The following LVRN variants were observed in gnomAD, a reference collection of about 807,000 sequenced individuals.
LVRN encodes the protein laeverin.
A neutral mutation model predicts 111.4 loss-of-function variants in LVRN; 99 were observed. The observed-to-expected ratio is 0.89, with a 90% CI of 0.76 to 1.05. The LOEUF is 1.05. Among genes scored for constraint, LVRN ranks in the 50% least tolerant of loss-of-function variants. The pLI is 0.00. For missense variants in LVRN, 1,414 were observed against 1,206.8 expected, an observed-to-expected ratio of 1.17 and a Z score of -2.54; for synonymous variants, 488 against 449.5, an observed-to-expected ratio of 1.09 and a Z score of -1.08.
At chr5:115,971,449 A>G (rs990928381) in intron 1 of LVRN, among the ~76,000 whole-genome samples, 1 of 152,050 alleles carries the variant, frequency 6.6e-6, no homozygotes, top group Non-Finnish European at 1.5e-5. Context: ...TTCTTTCAGA[A>G]GTTTTATAGT....
chr5:115,963,313 G>GT lies in LVRN; in HGVS notation c.695+2dup, dbSNP rs1753131695. 1.2e-6 allele frequency: 2 copies of GT among 1,601,826 alleles called. No individual in the cohort carries two copies. Among genetic ancestry groups the GT allele is most frequent in the East Asian group, 2.2e-5 (1 of 44,660 alleles). ...TCTACACCGACCAGGGCGAGCGCAGGTAAGGGCTGTACAGCCCGGGGCCCC... is the reference window on the plus strand; with the variant it reads ...TCTACACCGACCAGGGCGAGCGCAGGTTAAGGGCTGTACAGCCCGGGGCCCC... On this transcript the variant is annotated splice_donor_variant, in intron 1 of 19. Coordinates refer to ENST00000357872, the MANE Select transcript of LVRN (RefSeq NM_173800.5). LOFTEE classifies it high-confidence loss of function.
intron 13 of LVRN, among the ~76,000 whole-genome samples, chr5:116,007,490 G>A (rs999101982): frequency 6.6e-6 from 1 of 152,100 alleles, no homozygotes; most frequent in African/African-American, 2.4e-5. Context: ...CCTCCATGAA[G>A]CCTTCCTTGA....
chr5:116,009,461 T>G (rs759751801), intron 13 of LVRN, among the ~76,000 whole-genome samples: 32 of 152,200 alleles, frequency 2.1e-4, no homozygotes, highest in Non-Finnish European at 3.1e-4. Context: ...TGTAAGGCTA[T>G]AGCTTCCATA....
intron 4 of LVRN, 92 bp from the exon 5 acceptor site, chr5:115,992,031 T>C: frequency 8.1e-7 from 1 of 1,228,884 alleles, no homozygotes; most frequent in Non-Finnish European, 1.1e-6. Flanking sequence ...TTGAATTTTT[T>C]GGTAATTTTA....
chr5:115,966,438 C>G (rs949507950), intron 1 of LVRN, among the ~76,000 whole-genome samples: 15 of 152,160 alleles, frequency 9.9e-5, no homozygotes, highest in African/African-American at 3.4e-4. Flanking sequence ...TTTATTTAGT[C>G]ATTCATCGAT....
chr5:115,970,600 TG>T (rs1753304090), intron 1 of LVRN, among the ~76,000 whole-genome samples: 1 of 152,170 alleles, frequency 6.6e-6, no homozygotes, highest in African/African-American at 2.4e-5. Flanking sequence ...TTGGCCGAGA[TG>T]GCCTCGATAT....
intron 1 of LVRN, among the ~76,000 whole-genome samples, chr5:115,968,385 G>T (rs1753247254): frequency 6.7e-6 from 1 of 149,984 alleles, no homozygotes; most frequent in Non-Finnish European, 1.5e-5. Context: ...GTTAATATGG[G>T]TATTATATTG....
chr5:115,987,614 G>A (rs1386867791), intron 3 of LVRN, among the ~76,000 whole-genome samples, 199 bp from the exon 4 acceptor site: 3 of 152,050 alleles, frequency 2.0e-5, no homozygotes, highest in Admixed American at 2.0e-4. Flanking sequence ...ACACACTTTC[G>A]GGGGAATCAC....
intron 11 of LVRN, 73 bp downstream of exon 11, chr5:116,002,984 C>G (rs1236401035): frequency 2.4e-6 from 3 of 1,275,626 alleles, no homozygotes; most frequent in Non-Finnish European, 3.3e-6. Flanking sequence ...ATTGAAAAGT[C>G]TAGCTTTTGA....
chr5:115,983,848 C>T (rs568767520), intron 2 of LVRN, among the ~76,000 whole-genome samples: 1 of 152,262 alleles, frequency 6.6e-6, no homozygotes, highest in South Asian at 2.1e-4. Flanking sequence ...AATGTGAAAA[C>T]TTAGAAGTTC....
intron 1 of LVRN, among the ~76,000 whole-genome samples, chr5:115,976,526 CTT>C (rs1753452558): frequency 1.3e-5 from 2 of 152,078 alleles, no homozygotes; most frequent in South Asian, 4.1e-4. Flanking sequence ...TTGACACAAA[CTT>C]ATTACTTTAA....
At chr5:116,013,779 A>T (rs1050382934) in intron 15 of LVRN, among the ~76,000 whole-genome samples, 4 of 152,114 alleles carry the variant, frequency 2.6e-5, no homozygotes, top group Non-Finnish European at 5.9e-5. Context: ...ACAAGGCATC[A>T]CTTACCTGGA....
chr5:116,024,628 G>A (rs12518968), intron 19 of LVRN, among the ~76,000 whole-genome samples: 1 of 152,188 alleles, frequency 6.6e-6, no homozygotes, highest in East Asian at 1.9e-4. Flanking sequence ...AAATTCGTTA[G>A]TTCAATCTTT....
intron 18 of LVRN, chr5:116,021,188 T>C (rs73783064): frequency 0.053 from 7,997 of 152,286 alleles, 589 homozygotes; most frequent in African/African-American, 0.16. Context: ...TTTTACAATT[T>C]ATAAATTGCC....
Position 115,984,798 on chromosome 5 carries a change from A to G in LVRN, c.978+89A>G, listed in dbSNP as rs975015306. The G allele has an allele frequency of 3.9e-6, 6 of 1,523,604 alleles. 1 individual carries two copies. Among genetic ancestry groups the G allele is most frequent in the Non-Finnish European group, 5.3e-6 (6 of 1,126,296 alleles). 94.4% of individuals were successfully genotyped at this position (1,523,604 alleles called of 1,614,324 possible). A position where few individuals can be genotyped will look rare whatever the true frequency, so the allele number is the denominator to read the frequency against. On this transcript the variant is annotated intron_variant, in intron 3 of 19. Transcript: ENST00000357872. ...TTCTGCATCCAGTGGTTATGGCTGC[A>G]TATCCCCAAATCGCTTCCTAGTTCT...
chr5:116,025,699 A>G (rs1029985997), intron 19 of LVRN, among the ~76,000 whole-genome samples: 1 of 152,184 alleles, frequency 6.6e-6, no homozygotes, highest in African/African-American at 2.4e-5. Context: ...CGTTCAGTAA[A>G]TATTCATTGA....
chr5:115,969,106 T>C (rs1307671868), intron 1 of LVRN, among the ~76,000 whole-genome samples: 3 of 152,212 alleles, frequency 2.0e-5, no homozygotes, highest in South Asian at 4.1e-4. Flanking sequence ...TTCTCTCCTC[T>C]TTCTCAATAT....
intron 1 of LVRN, among the ~76,000 whole-genome samples, chr5:115,965,828 T>C (rs1272350024): frequency 6.6e-6 from 1 of 152,144 alleles, no homozygotes; most frequent in Non-Finnish European, 1.5e-5. Flanking sequence ...TGACTATAAG[T>C]TTCCTGAGGC....
intron 12 of LVRN, among the ~76,000 whole-genome samples, chr5:116,003,940 A>C (rs986963533): frequency 6.6e-6 from 1 of 152,180 alleles, no homozygotes; most frequent in Non-Finnish European, 1.5e-5. Context: ...CCAGGTAAGA[A>C]TCAGGATGCA....
Sources: allele counts gnomAD v4.1 joint callset (sites outside exome capture counted in the v4.1 genomes callset), GRCh38; gene constraint gnomAD v4.1.1; transcripts MANE v1.5; gene names NCBI Gene and HGNC (gene_info 2026-07-23, HGNC 2026-07-21).